The following FER variants were observed in gnomAD, a reference collection of about 807,000 sequenced individuals.
FER encodes the protein tyrosine-protein kinase Fer.
In FER, 63 loss-of-function variants were observed where a neutral mutation model predicts 111.0. The observed-to-expected ratio is 0.57, with a 90% CI of 0.46 to 0.70. The LOEUF is 0.70. Ranked by LOEUF, FER falls within the 30% of genes least tolerant of loss-of-function variation. The pLI is 0.00. For missense variants in FER, 914 were observed against 954.0 expected, an observed-to-expected ratio of 0.96 and a Z score of 0.55; for synonymous variants, 327 against 313.9, an observed-to-expected ratio of 1.04 and a Z score of -0.44.
At chr5:108,856,732 A>G (rs905306092) in intron 5 of FER, among the ~76,000 whole-genome samples, 1 of 151,828 alleles carries the variant, frequency 6.6e-6, no homozygotes, top group African/African-American at 2.4e-5. Flanking sequence ...TCTTCCACAC[A>G]CTCGACTAGT....
At chr5:109,007,660 T>G (rs1765674778) in intron 13 of FER, among the ~76,000 whole-genome samples, 1 of 152,234 alleles carries the variant, frequency 6.6e-6, no homozygotes, top group South Asian at 2.1e-4. Context: ...CATTTGTTTA[T>G]TCATTCCTCA....
chr5:109,134,621 G>A (rs1752703019), intron 17 of FER, among the ~76,000 whole-genome samples: 1 of 152,110 alleles, frequency 6.6e-6, no homozygotes, highest in Non-Finnish European at 1.5e-5. Flanking sequence ...ACCAGCTAGT[G>A]ACTGATTGTG....
intron 13 of FER, among the ~76,000 whole-genome samples, chr5:108,983,894 G>A (rs3851458): frequency 0.13 from 20,220 of 151,938 alleles, 1,377 homozygotes; most frequent in Middle Eastern, 0.16. Flanking sequence ...TTGTGCTCAC[G>A]CTTTCATTCT....
chr5:109,131,195 C>T (rs373050516), intron 17 of FER, among the ~76,000 whole-genome samples: 2 of 152,238 alleles, frequency 1.3e-5, no homozygotes, highest in East Asian at 3.9e-4. Flanking sequence ...GATTATTTAG[C>T]ATTTAGCAGT....
At chr5:108,977,357 A>T (rs1252994954) in intron 13 of FER, among the ~76,000 whole-genome samples, 1 of 152,142 alleles carries the variant, frequency 6.6e-6, no homozygotes, top group Non-Finnish European at 1.5e-5. Flanking sequence ...TATTTTATGG[A>T]TTCATGACAT....
At chr5:109,187,378 C>G (rs1758997998) in intron 19 of FER, 55 bp from the exon 20 acceptor site, 7 of 1,578,064 alleles carry the variant, frequency 4.4e-6, no homozygotes, top group Non-Finnish European at 5.2e-6. Flanking sequence ...CCTGTGTGAA[C>G]ATTTTGTGTC....
At chr5:109,016,755 T>C (rs1483825909) in intron 13 of FER, among the ~76,000 whole-genome samples, 1 of 152,026 alleles carries the variant, frequency 6.6e-6, no homozygotes, top group Non-Finnish European at 1.5e-5. Flanking sequence ...ATTATTATTA[T>C]AGTTTTTTAT....
intron 13 of FER, among the ~76,000 whole-genome samples, chr5:109,025,370 C>T (rs1460793815): frequency 6.6e-6 from 1 of 152,082 alleles, no homozygotes; most frequent in Non-Finnish European, 1.5e-5. Context: ...GTATTTTATT[C>T]TCTTTGGAGC....
intron 3 of FER, among the ~76,000 whole-genome samples, chr5:108,814,744 A>G (rs1401393754): frequency 6.6e-6 from 1 of 152,058 alleles, no homozygotes; most frequent in Non-Finnish European, 1.5e-5. Flanking sequence ...TCGCAGCCTC[A>G]TTTTTCCTAG....
intron 13 of FER, among the ~76,000 whole-genome samples, chr5:109,003,637 A>C (rs1392875025): frequency 6.6e-6 from 1 of 151,930 alleles, no homozygotes; most frequent in East Asian, 1.9e-4. Flanking sequence ...TTAAAAAAAT[A>C]AAAATAAAAA....
intron 13 of FER, among the ~76,000 whole-genome samples, chr5:109,032,467 A>C (rs1320891026): frequency 6.6e-6 from 1 of 152,026 alleles, no homozygotes; most frequent in Non-Finnish European, 1.5e-5. Flanking sequence ...TGTGCTTCTC[A>C]AATTAACTAC....
chr5:109,050,534 A>G (rs1772644092), intron 16 of FER, among the ~76,000 whole-genome samples: 1 of 152,228 alleles, frequency 6.6e-6, no homozygotes, highest in African/African-American at 2.4e-5. Context: ...CTCAAAAGAA[A>G]AAAAATGTTA....
At chr5:108,960,423 T>C (rs1030643528) in intron 13 of FER, among the ~76,000 whole-genome samples, 7 of 152,104 alleles carry the variant, frequency 4.6e-5, no homozygotes, top group African/African-American at 1.7e-4. Context: ...TGAACAGTTT[T>C]CTATAATTAT....
chr5:108,987,601 G>A (rs1762719954), intron 13 of FER, among the ~76,000 whole-genome samples: 1 of 152,108 alleles, frequency 6.6e-6, no homozygotes, highest in African/African-American at 2.4e-5. Flanking sequence ...CTTGGTTGCT[G>A]TTGGTGTGTG....
chr5:108,996,134 T>G (rs995205337), intron 13 of FER, among the ~76,000 whole-genome samples: 1 of 152,208 alleles, frequency 6.6e-6, no homozygotes, highest in Admixed American at 6.5e-5. Context: ...GTAAATTTGT[T>G]TAATTCATTG....
At chr5:108,894,233 G>T in intron 9 of FER, 1 of 295,424 alleles carries the variant, frequency 3.4e-6, no homozygotes, top group Non-Finnish European at 6.1e-6. Context: ...CCCACAAAAC[G>T]ATCATTAGTA....
chr5:108,956,197 A>G (rs1324453069), intron 12 of FER, among the ~76,000 whole-genome samples: 1 of 151,568 alleles, frequency 6.6e-6, no homozygotes, highest in East Asian at 1.9e-4. Flanking sequence ...CTCTTTTGTA[A>G]TTTGTATATG....
chr5:108,753,685 C>T (rs977017507), intron 1 of FER, among the ~76,000 whole-genome samples: 2 of 152,146 alleles, frequency 1.3e-5, no homozygotes, highest in Non-Finnish European at 2.9e-5. Context: ...TTTTCCACCT[C>T]CTACTGAAAC....
intron 13 of FER, among the ~76,000 whole-genome samples, chr5:109,033,703 C>T (rs1035847283): frequency 1.3e-5 from 2 of 152,034 alleles, no homozygotes; most frequent in African/African-American, 4.8e-5. Flanking sequence ...TCCAATTTAA[C>T]GGATTGGGAG....
Sources: gnomAD v4.1 joint callset for allele counts (sites outside exome capture counted in the v4.1 genomes callset) on GRCh38, gnomAD v4.1.1 for gene constraint, MANE v1.5 for transcripts, NCBI Gene and HGNC (gene_info 2026-07-23, HGNC 2026-07-21) for gene names.